SSBP4: variants seen among roughly 807,000 people sequenced by gnomAD.
The protein encoded by SSBP4 is single stranded DNA binding protein 4, also known as single-stranded DNA-binding protein 4.
A neutral mutation model predicts 64.6 loss-of-function variants in SSBP4; 33 were observed. That is an observed-to-expected ratio of 0.51 (90% CI 0.39 to 0.68). SSBP4 has a LOEUF of 0.68. Ranked by LOEUF, SSBP4 falls within the 30% of genes least tolerant of loss-of-function variation. The pLI is 0.00. For synonymous variants in SSBP4, 243 were observed against 224.0 expected, an observed-to-expected ratio of 1.08 and a Z score of -0.76; for missense variants, 583 against 566.8, an observed-to-expected ratio of 1.03 and a Z score of -0.29.
chr19:18,408,442 C>T, the SSBP4 span, among the ~76,000 whole-genome samples: 4 of 152,064 alleles, frequency 2.6e-5, no homozygotes, highest in Non-Finnish European at 5.9e-5. Flanking sequence ...CTGGGATCAC[C>T]TCTCAGATAA....
Position 18,433,604 on chromosome 19 carries a change from G to C in SSBP4, c.1011G>C (p.Gly337=). The change falls in exon 16 of 18, where the codon GGG becomes GGC. Residue 337 remains glycine, a synonymous_variant. Coordinates refer to ENST00000270061, the MANE Select transcript of SSBP4 (RefSeq NM_032627.5). The stretch of plus-strand genomic sequence containing the variant: ...CTGTAGGCTCGGGCGACATGGACGG[G>C]TTGCCGAAGGTAAGGAGGCTGCGCT... ...NGSLGSGDMD[G]LPKSSPGAVA... 6.6e-7 allele frequency: 1 copy of C among 1,523,624 alleles called. No individual in the cohort carries two copies. The highest frequency in any genetic ancestry group is 8.8e-7 in the Non-Finnish European group (1 of 1,137,388). 94.4% of individuals were successfully genotyped at this position (1,523,624 alleles called of 1,614,324 possible).
At chr19:18,429,690 G>C (rs971086731) in intron 4 of SSBP4, among the ~76,000 whole-genome samples, 1 of 152,182 alleles carries the variant, frequency 6.6e-6, no homozygotes, top group Non-Finnish European at 1.5e-5. Context: ...AGCCCAGAGG[G>C]GACCTGGAAG....
chr19:18,409,927 G>C, the SSBP4 span, among the ~76,000 whole-genome samples: 1 of 152,154 alleles, frequency 6.6e-6, no homozygotes, highest in Non-Finnish European at 1.5e-5. Context: ...TGTCTCTCAG[G>C]TTCAAGCGAT....
intron 15 of SSBP4, 58 bp from the exon 16 acceptor site, chr19:18,433,527 C>G: frequency 6.5e-7 from 1 of 1,542,976 alleles, no homozygotes; most frequent in Non-Finnish European, 8.7e-7. Context: ...CCCCTGGAGG[C>G]CGAGGGGCAT....
chr19:18,415,483 G>C (rs543203702), upstream of SSBP4, among the ~76,000 whole-genome samples: 30 of 152,320 alleles, frequency 2.0e-4, no homozygotes, highest in African/African-American at 7.2e-4. Context: ...AACTGAGGAC[G>C]GGATGCGTTA....
the SSBP4 span, among the ~76,000 whole-genome samples, chr19:18,412,421 A>C: frequency 1.4e-5 from 2 of 144,688 alleles, no homozygotes; most frequent in Admixed American, 7.2e-5. Flanking sequence ...AGATCGCACC[A>C]CGGCACTCCA....
intron 4 of SSBP4, 32 bp from the exon 5 acceptor site, chr19:18,430,809 C>T: frequency 1.3e-6 from 2 of 1,590,790 alleles, no homozygotes; most frequent in Non-Finnish European, 1.7e-6. Flanking sequence ...GGTGTCCTGA[C>T]CTGGCCCTCT....
At chr19:18,424,121 T>C (rs182254204) in intron 1 of SSBP4, among the ~76,000 whole-genome samples, 2 of 152,284 alleles carry the variant, frequency 1.3e-5, no homozygotes, top group Admixed American at 1.3e-4. Context: ...AAAGGACCAA[T>C]GTGGAAGGGA....
At chr19:18,412,111 GCTGTGATTGTGCCA>G in the SSBP4 span, among the ~76,000 whole-genome samples, 1 of 152,160 alleles carries the variant, frequency 6.6e-6, no homozygotes, top group African/African-American at 2.4e-5. Flanking sequence ...GCTGCAGTGA[GCTGTGATTGTGCCA>G]CTGCACTCCA....
chr19:18,415,888 G>T (rs1005333208), upstream of SSBP4, among the ~76,000 whole-genome samples: 1 of 152,092 alleles, frequency 6.6e-6, no homozygotes, highest in Non-Finnish European at 1.5e-5. Context: ...CATGGTGGGT[G>T]ACTCACCACT....
At chr19:18,409,669 C>A in the SSBP4 span, among the ~76,000 whole-genome samples, 1 of 152,128 alleles carries the variant, frequency 6.6e-6, no homozygotes, top group Non-Finnish European at 1.5e-5. Context: ...AATCATGGCT[C>A]CACCACATCC....
At chr19:18,405,106 C>T in the SSBP4 span, among the ~76,000 whole-genome samples, 1 of 152,050 alleles carries the variant, frequency 6.6e-6, no homozygotes, top group East Asian at 2.0e-4. Flanking sequence ...TCAGAGCCCA[C>T]CCTGAGGTGG....
At chr19:18,416,155 C>G (rs1972129189), upstream of SSBP4, among the ~76,000 whole-genome samples, 1 of 151,998 alleles carries the variant, frequency 6.6e-6, no homozygotes, top group Non-Finnish European at 1.5e-5. Flanking sequence ...GCTGGGATTA[C>G]AGACGCCCGC....
chr19:18,409,164 G>A, the SSBP4 span, among the ~76,000 whole-genome samples: 1 of 149,648 alleles, frequency 6.7e-6, no homozygotes, highest in Non-Finnish European at 1.5e-5. Flanking sequence ...CTGTGGTGCT[G>A]ATCTGCCTAT....
At chr19:18,409,231 G>T in the SSBP4 span, among the ~76,000 whole-genome samples, 112 of 149,110 alleles carry the variant, frequency 7.5e-4, 2 homozygotes, top group African/African-American at 2.5e-3. Flanking sequence ...CTGTCATCCA[G>T]GCTGGAGTGC....
the SSBP4 span, among the ~76,000 whole-genome samples, chr19:18,413,493 C>T: frequency 6.6e-6 from 1 of 152,086 alleles, no homozygotes; most frequent in Non-Finnish European, 1.5e-5. Context: ...GGATTACAGG[C>T]GTGACCCACC....
At chr19:18,409,204 T>C in the SSBP4 span, among the ~76,000 whole-genome samples, 2 of 120,452 alleles carry the variant, frequency 1.7e-5, no homozygotes, top group Non-Finnish European at 3.3e-5. Flanking sequence ...TTTTTTTTTT[T>C]GAGACAGAGT....
intron 14 of SSBP4, 24 bp downstream of exon 14, chr19:18,433,067 C>G (rs1200561142): frequency 6.2e-7 from 1 of 1,613,918 alleles, no homozygotes; most frequent in Non-Finnish European, 8.5e-7. Flanking sequence ...TGCAGGGGTG[C>G]TTCTCGAGGC....
At position 18,423,657 on chromosome 19, in the gene SSBP4, C is replaced by T. The variant is rs1466343126; in HGVS notation, c.60-3694C>T. 2.0e-5 allele frequency among the ~76,000 whole-genome samples: 3 copies of T among 152,186 alleles called. No individual in the cohort carries two copies. Among genetic ancestry groups the T allele is most frequent in the South Asian group, 2.1e-4 (1 of 4,828 alleles). ...CTGTGGTACATTTCAGGCCACCAGG[C>T]GCTAGCACCCCATCCTGGCTCTGCT... On this transcript the variant is annotated intron_variant, in intron 1 of 17. Transcript: ENST00000270061. This position sits in a 1 kb window ranked among gnomAD's most constrained non-coding sequence, Gnocchi z 4.0.
Sources: gnomAD v4.1 joint callset for allele counts (sites outside exome capture counted in the v4.1 genomes callset) on GRCh38, gnomAD v4.1.1 for gene constraint, Gnocchi (gnomAD v3.1) non-coding constraint, MANE v1.5 for transcripts, NCBI Gene and HGNC (gene_info 2026-07-23, HGNC 2026-07-21) for gene names.